Variants in KCTD7 observed in about 807,000 individuals in gnomAD.
The protein encoded by KCTD7 is potassium channel tetramerization domain containing 7.
A neutral mutation model predicts 27.0 loss-of-function variants in KCTD7; 15 were observed. The observed-to-expected ratio is 0.56, with a 90% CI of 0.37 to 0.86. The LOEUF (loss-of-function observed/expected upper bound fraction) is 0.86. Among genes scored for constraint, KCTD7 ranks in the 40% least tolerant of loss-of-function variants. The pLI is 0.00. For missense variants in KCTD7, 299 were observed against 398.9 expected, an observed-to-expected ratio of 0.75 and a Z score of 2.13; for synonymous variants, 159 against 162.7, an observed-to-expected ratio of 0.98 and a Z score of 0.17.
intron 1 of KCTD7, among the ~76,000 whole-genome samples, chr7:66,633,069 G>A (rs996295261): frequency 2.6e-5 from 4 of 151,788 alleles, no homozygotes; most frequent in African/African-American, 7.3e-5. Flanking sequence ...AAAAAAAAGA[G>A]CTATGAGGGT....
At chr7:66,635,562 G>A (rs1282700352) in intron 2 of KCTD7, among the ~76,000 whole-genome samples, 1 of 149,968 alleles carries the variant, frequency 6.7e-6, no homozygotes, top group Non-Finnish European at 1.5e-5. Context: ...GTCTGACATT[G>A]GAGATGACTA....
chr7:66,640,365 A>G lies in KCTD7; in HGVS notation c.*1133A>G, dbSNP rs1289466628. The G allele has an allele frequency of 6.5e-7, 1 of 1,537,014 alleles. No homozygotes were observed. Among genetic ancestry groups the G allele is most frequent in the South Asian group, 1.2e-5 (1 of 84,048 alleles). ...TTTGTTTTACTCCTCACTCCTGTATATTTTGGTTTACTTACTCCTCTATTT... is the reference window on the plus strand; with the variant it reads ...TTTGTTTTACTCCTCACTCCTGTATGTTTTGGTTTACTTACTCCTCTATTT... On this transcript the variant is annotated 3_prime_UTR_variant, in exon 4 of 4. Transcript: ENST00000639828.
In KCTD7 at chr7:66,629,010, CG is replaced by C. The variant is rs1786377682; in HGVS notation, c.-51del. The C allele has an allele frequency of 3.4e-6, 5 of 1,469,106 alleles. 1 individual carries two copies. In the South Asian group the frequency reaches 3.9e-5, roughly 11 times the overall value. 91.0% of individuals were successfully genotyped at this position (1,469,106 alleles called of 1,614,324 possible). ...GCGCTGCTCGGCGGTAGGGAGTGCC[CG>C]GGGCCGCCGCCTCCGCCCGCCCGAA... On this transcript the variant is annotated 5_prime_UTR_variant, in exon 1 of 4. Transcript: ENST00000639828.
rs942772041 is a variant in KCTD7, at chr7:66,642,559, G to T, written c.*3327G>T. ...TAACAAAACAAAAACTACTGATGCT[G>T]AGCGTTTTGATCCTAGTAATATTTC... is the stretch of plus-strand genomic sequence containing the variant. On this transcript the variant is annotated 3_prime_UTR_variant, in exon 4 of 4. Coordinates refer to ENST00000639828, the MANE Select transcript of KCTD7 (RefSeq NM_153033.5). 4.1e-6 allele frequency: 4 copies of T among 985,350 alleles called. No homozygotes were observed. Among genetic ancestry groups the T allele is most frequent in the Middle Eastern group, 5.2e-4 (1 of 1,914 alleles). The allele number at this position is 985,350 out of a possible 1,614,324, so 61.0% of individuals were successfully genotyped here. A position where few individuals can be genotyped will look rare whatever the true frequency, so the allele number is the denominator to read the frequency against.
In KCTD7 at chr7:66,640,836, T is replaced by G; in HGVS notation, c.*1604T>G. The G allele has an allele frequency of 1.1e-6, 1 of 935,376 alleles. No individual in the cohort carries two copies. The highest frequency in any genetic ancestry group is 1.3e-6 in the Non-Finnish European group (1 of 784,206). 57.9% of individuals were successfully genotyped at this position (935,376 alleles called of 1,614,324 possible). Reference sequence around the variant, plus strand: ...AGCCTGGGCAACACCATCGTAAAAATAAATAAATAAATAAATAAATTGGGG... The same window carrying G: ...AGCCTGGGCAACACCATCGTAAAAAGAAATAAATAAATAAATAAATTGGGG... On this transcript the variant is annotated 3_prime_UTR_variant, in exon 4 of 4. Transcript: ENST00000639828.
Position 66,639,800 on chromosome 7 carries a change from A to C in KCTD7, c.*568A>C. 8.0e-7 allele frequency: 1 copy of C among 1,250,084 alleles called. No homozygotes were observed. Among genetic ancestry groups the C allele is most frequent in the Non-Finnish European group, 1.0e-6 (1 of 998,544 alleles). 77.4% of individuals were successfully genotyped at this position (1,250,084 alleles called of 1,614,324 possible). A position where few individuals can be genotyped will look rare whatever the true frequency, so the allele number is the denominator to read the frequency against. On this transcript the variant is annotated 3_prime_UTR_variant, in exon 4 of 4. Coordinates refer to ENST00000639828, the MANE Select transcript of KCTD7 (RefSeq NM_153033.5). ...GCCCACATTCCCAAAATGTGGAAAG[A>C]CTTTTCTTTTCCTTCCGGAACATGT...
rs1010048649 is a variant in KCTD7 at position 66,642,108 on chromosome 7, G to A, written c.*2876G>A. ...AGATGGGACCAATGGTGCAATGCTC[G>A]CCATAACAAAATTCCTTAAAAATAA... is the stretch of plus-strand genomic sequence containing the variant. On this transcript the variant is annotated 3_prime_UTR_variant, in exon 4 of 4. Coordinates refer to ENST00000639828, the MANE Select transcript of KCTD7 (RefSeq NM_153033.5). 3.0e-6 allele frequency: 3 copies of A among 985,200 alleles called. No individual in the cohort carries two copies. Among genetic ancestry groups the A allele is most frequent in the Admixed American group, 6.2e-5 (1 of 16,236 alleles). The allele number at this position is 985,200 out of a possible 1,614,324, so 61.0% of individuals were successfully genotyped here. A position where few individuals can be genotyped will look rare whatever the true frequency, so the allele number is the denominator to read the frequency against.
rs1350932981 is a variant in KCTD7, at chr7:66,639,490, T to C, written c.*258T>C. On this transcript the variant is annotated 3_prime_UTR_variant, in exon 4 of 4. Transcript: ENST00000639828. The stretch of plus-strand genomic sequence containing the variant: ...CCTTTCCTCAAGGCATGGTAGTCTT[T>C]CCTTGAGGCTGATAGCTAGGGCTTG... 3 of 1,410,050 alleles carry C rather than the reference T, an allele frequency of 2.1e-6. No homozygotes were observed. Among genetic ancestry groups the C allele is most frequent in the Non-Finnish European group, 2.8e-6 (3 of 1,083,190 alleles). 87.3% of individuals were successfully genotyped at this position (1,410,050 alleles called of 1,614,324 possible).
chr7:66,637,220 G>A lies in KCTD7; in HGVS notation c.315-1033G>A, dbSNP rs1195669417. Among the ~76,000 whole-genome samples, 28 of 152,082 alleles carry A rather than the reference G, an allele frequency of 1.8e-4. 1 individual carries two copies. Among genetic ancestry groups the A allele is most frequent in the Admixed American group, 1.8e-3 (27 of 15,252 alleles). On this transcript the variant is annotated intron_variant, in intron 2 of 3. Coordinates refer to ENST00000639828, the MANE Select transcript of KCTD7 (RefSeq NM_153033.5). ...CCTGCCTCAGCCTCCAGAGTAGCTG[G>A]GATTACAGACACCCACCACCATACC...
At chr7:66,643,082 CTCTCA>C, downstream of KCTD7, 1 of 985,324 alleles carries the variant, frequency 1.0e-6, no homozygotes, top group Non-Finnish European at 1.2e-6. Flanking sequence ...TAGAGATGTG[CTCTCA>C]TCTCTTCTCT....
chr7:66,632,552 A>C (rs1638734), intron 1 of KCTD7, among the ~76,000 whole-genome samples: 15,698 of 152,020 alleles, frequency 0.1, 988 homozygotes, highest in South Asian at 0.2. Flanking sequence ...GCTTTTATGC[A>C]GTGAACAACC....
rs1179207904 is a variant in KCTD7, at chr7:66,633,267, CT to C, written c.145-5del. ...GCCTGCCTGAGAGCCCTGGTGATTT[CT>C]TTCCAGTTTCCTGAGGTTGTTCCCC... On this transcript the variant is annotated splice_region_variant and splice_polypyrimidine_tract_variant and intron_variant, in intron 1 of 3. Coordinates refer to ENST00000639828, the MANE Select transcript of KCTD7 (RefSeq NM_153033.5). 6.2e-7 allele frequency: 1 copy of C among 1,613,768 alleles called. No homozygotes were observed.
At position 66,633,462 on chromosome 7, in the gene KCTD7, C is replaced by A. The variant is rs1263261068; in HGVS notation, c.314+18C>A. On this transcript the variant is annotated intron_variant, in intron 2 of 3. Transcript: ENST00000639828. ...CACTTTGGGTATGTCTCTCCCTCTACAATCAACTTTGTAGTCCTAGCAGGT... is the reference window on the plus strand; with the variant it reads ...CACTTTGGGTATGTCTCTCCCTCTAAAATCAACTTTGTAGTCCTAGCAGGT... 6.2e-7 allele frequency: 1 copy of A among 1,613,424 alleles called. No homozygotes were observed. The highest frequency in any genetic ancestry group is 8.5e-7 in the Non-Finnish European group (1 of 1,179,504).
intron 1 of KCTD7, among the ~76,000 whole-genome samples, chr7:66,632,241 A>T (rs2116761467): frequency 6.6e-6 from 1 of 152,132 alleles, no homozygotes; most frequent in East Asian, 1.9e-4. Context: ...TAATCCCAGC[A>T]CTTGGGGAGG....
chr7:66,639,913 C>G lies in KCTD7; in HGVS notation c.*681C>G, dbSNP rs1286330104. ...AAAACCACAATGTTTACAGCCCTGT[C>G]TTAGGGCCGCGGCTTCTCTTATCTT... On this transcript the variant is annotated 3_prime_UTR_variant, in exon 4 of 4. Coordinates refer to ENST00000639828, the MANE Select transcript of KCTD7 (RefSeq NM_153033.5). 1.6e-6 allele frequency: 2 copies of G among 1,248,258 alleles called. No homozygotes were observed. The highest frequency in any genetic ancestry group is 1.5e-5 in the African/African-American group (1 of 64,566). The allele number at this position is 1,248,258 out of a possible 1,614,324, so 77.3% of individuals were successfully genotyped here.
intron 2 of KCTD7, among the ~76,000 whole-genome samples, chr7:66,636,873 T>C (rs1796224): frequency 6.6e-6 from 1 of 152,210 alleles, no homozygotes; most frequent in African/African-American, 2.4e-5. Flanking sequence ...GAAACCAGTT[T>C]GTTCAGACAT....
In KCTD7 at chr7:66,641,661, C is replaced by T. The variant is rs1190139417; in HGVS notation, c.*2429C>T. The T allele has an allele frequency of 1.0e-6, 1 of 985,392 alleles. No individual in the cohort carries two copies. The highest frequency in any genetic ancestry group is 6.1e-5 in the Admixed American group (1 of 16,280). 61.0% of individuals were successfully genotyped at this position (985,392 alleles called of 1,614,324 possible). On this transcript the variant is annotated 3_prime_UTR_variant, in exon 4 of 4. Transcript: ENST00000639828. ...GACACAAGGCTCTGGGCCAGTAGAA[C>T]AGGCAGAGAGGTGACACTGGGCAGC...
intron 2 of KCTD7, among the ~76,000 whole-genome samples, chr7:66,634,134 A>ATATATATATG (rs997286181): frequency 1.4e-5 from 2 of 145,666 alleles, no homozygotes; most frequent in African/African-American, 5.1e-5. Context: ...ATATATATAT[A>ATATATATATG]TATGTATATA....
Position 66,641,087 on chromosome 7 carries a change from G to A in KCTD7, c.*1855G>A, listed in dbSNP as rs1016092249. The A allele has an allele frequency of 4.1e-6, 4 of 985,376 alleles. No homozygotes were observed. The highest frequency in any genetic ancestry group is 4.8e-6 in the Non-Finnish European group (4 of 829,920). The allele number at this position is 985,376 out of a possible 1,614,324, so 61.0% of individuals were successfully genotyped here. A position where few individuals can be genotyped will look rare whatever the true frequency, so the allele number is the denominator to read the frequency against. The stretch of plus-strand genomic sequence containing the variant: ...GTACTCTTTTAGAGGTGGAAAAGAG[G>A]TGGATACTGAGATCTAAGAGGAAAG... On this transcript the variant is annotated 3_prime_UTR_variant, in exon 4 of 4. Transcript: ENST00000639828.
Sources: allele counts gnomAD v4.1 joint callset (sites outside exome capture counted in the v4.1 genomes callset), GRCh38; gene constraint gnomAD v4.1.1; transcripts MANE v1.5; gene names NCBI Gene and HGNC (gene_info 2026-07-23, HGNC 2026-07-21).